The following BABAM2 variants were observed in gnomAD, a reference collection of about 807,000 sequenced individuals.
BABAM2 encodes the protein BRISC and BRCA1-A complex member 2.
Under a neutral mutation model 54.7 loss-of-function variants are expected in BABAM2, and 31 were observed. That is an observed-to-expected ratio of 0.57 (90% confidence interval 0.43 to 0.77). The LOEUF (loss-of-function observed/expected upper bound fraction) is 0.77, where lower values mean the gene tolerates loss of function less well. Ranked by LOEUF, BABAM2 falls within the 30% of genes least tolerant of loss-of-function variation. The pLI is 0.00. For missense variants in BABAM2, 364 were observed against 455.8 expected, an observed-to-expected ratio of 0.80 and a Z score of 1.83; for synonymous variants, 167 against 162.9, an observed-to-expected ratio of 1.03 and a Z score of -0.19.
chr2:28,144,402 G>A (rs901222146), intron 7 of BABAM2, among the ~76,000 whole-genome samples: 1 of 152,142 alleles, frequency 6.6e-6, no homozygotes, highest in African/African-American at 2.4e-5. Flanking sequence ...TCTGAAGTGA[G>A]GGACTAAATA....
chr2:28,038,343 C>T (rs1249176578), intron 5 of BABAM2, among the ~76,000 whole-genome samples: 1 of 152,116 alleles, frequency 6.6e-6, no homozygotes, highest in Non-Finnish European at 1.5e-5. Context: ...GAGCACTGTG[C>T]CCTTTGATAG....
chr2:28,144,952 C>T (rs1461673121), intron 7 of BABAM2, among the ~76,000 whole-genome samples: 2 of 152,220 alleles, frequency 1.3e-5, no homozygotes, highest in African/African-American at 4.8e-5. Context: ...CCATGGAGGT[C>T]ACACACCAGT....
chr2:28,244,086 CAG>C (rs781076775), intron 9 of BABAM2, among the ~76,000 whole-genome samples: 57 of 152,094 alleles, frequency 3.7e-4, no homozygotes, highest in Admixed American at 1.3e-3. Context: ...ATTCAGAGGT[CAG>C]GGGATGTTTT....
At chr2:28,177,717 AAAT>A (rs1282023056) in intron 7 of BABAM2, among the ~76,000 whole-genome samples, 1 of 152,060 alleles carries the variant, frequency 6.6e-6, no homozygotes, top group African/African-American at 2.4e-5. Context: ...AAAAAAAAAA[AAAT>A]GACCCAATTA....
intron 7 of BABAM2, among the ~76,000 whole-genome samples, chr2:28,208,155 G>A (rs1399192601): frequency 2.0e-5 from 3 of 152,060 alleles, no homozygotes; most frequent in Non-Finnish European, 2.9e-5. Flanking sequence ...CAGGCAGGTC[G>A]TTAGCTCCTG....
At position 28,225,828 on chromosome 2, in the gene BABAM2, C is replaced by G. The variant is rs149563567; in HGVS notation, c.681-11374C>G. Among the ~76,000 whole-genome samples the G allele has an allele frequency of 6.7e-3, 1,014 of 151,934 alleles. 13 individuals carry two copies. The highest frequency in any genetic ancestry group is 0.048 in the South Asian group (231 of 4,788). ...TTTACCTGCTGATGGAATATAGCTT[C>G]TAAGAAGTTTGACCAAAGGGCCTCT... is the stretch of plus-strand genomic sequence containing the variant. On this transcript the variant is annotated intron_variant, in intron 7 of 11. Transcript: ENST00000379624.
chr2:28,184,217 T>C (rs1323057684), intron 7 of BABAM2, among the ~76,000 whole-genome samples: 1 of 151,722 alleles, frequency 6.6e-6, no homozygotes, highest in African/African-American at 2.4e-5. Context: ...TGCATGTCTG[T>C]CTTTCTGTCT....
At chr2:28,294,401 A>AAAG (rs1402137852) in intron 10 of BABAM2, among the ~76,000 whole-genome samples, 1 of 151,750 alleles carries the variant, frequency 6.6e-6, no homozygotes, top group Admixed American at 6.6e-5. Flanking sequence ...AAAAGGAAAG[A>AAAG]AAGCAAATGG....
At chr2:27,972,532 A>G (rs1457159333) in intron 3 of BABAM2, among the ~76,000 whole-genome samples, 2 of 152,090 alleles carry the variant, frequency 1.3e-5, no homozygotes, top group Non-Finnish European at 2.9e-5. Flanking sequence ...TGTGCTGTCC[A>G]ATATAGTCGC....
chr2:28,162,528 G>A (rs985068373), intron 7 of BABAM2, among the ~76,000 whole-genome samples: 4 of 152,180 alleles, frequency 2.6e-5, no homozygotes, highest in African/African-American at 9.7e-5. Context: ...ACTCTATGGA[G>A]TCAGTGCCCA....
In BABAM2 at chr2:28,185,462, C is replaced by T. The variant is rs1676178746; in HGVS notation, c.681-51740C>T. Among the ~76,000 whole-genome samples, 3 of 152,216 alleles carry T rather than the reference C, an allele frequency of 2.0e-5. No homozygotes were observed. In the South Asian group the frequency reaches 6.2e-4, roughly 32 times the overall value. On this transcript the variant is annotated intron_variant, in intron 7 of 11. Transcript: ENST00000379624. ...ATCCAGATTGCACGTCTGCCAGAAA[C>T]ATCCTTGGGCACAGTTTTGGAGCTG...
intron 3 of BABAM2, among the ~76,000 whole-genome samples, chr2:27,971,592 A>C (rs1671226743): frequency 6.6e-6 from 1 of 152,120 alleles, no homozygotes; most frequent in East Asian, 1.9e-4. Flanking sequence ...AGAAAAATAA[A>C]TGTAAATACA....
intron 10 of BABAM2, among the ~76,000 whole-genome samples, chr2:28,257,248 T>A (rs909776787): frequency 6.6e-6 from 1 of 152,202 alleles, no homozygotes; most frequent in Non-Finnish European, 1.5e-5. Context: ...AAGTGAACAC[T>A]TAAATTTTGG....
chr2:28,133,977 G>C (rs978831637), intron 7 of BABAM2, among the ~76,000 whole-genome samples: 1 of 152,134 alleles, frequency 6.6e-6, no homozygotes, highest in South Asian at 2.1e-4. Flanking sequence ...ACGCCCTTAC[G>C]ATGCTTAGAT....
chr2:27,993,445 A>T (rs1263453256), intron 4 of BABAM2, among the ~76,000 whole-genome samples: 1 of 152,210 alleles, frequency 6.6e-6, no homozygotes, highest in Admixed American at 6.5e-5. Flanking sequence ...AAATAAAATC[A>T]GTTAACAGAA....
intron 2 of BABAM2, among the ~76,000 whole-genome samples, chr2:27,900,368 CTT>C (rs557118072): frequency 6.5e-5 from 9 of 138,076 alleles, no homozygotes; most frequent in Admixed American, 7.3e-5. Context: ...AGCAAGATTT[CTT>C]TTTTTTTTTT....
intron 11 of BABAM2, 34 bp from the exon 12 acceptor site, chr2:28,338,416 C>T (rs200049418): frequency 7.1e-5 from 113 of 1,590,152 alleles, no homozygotes; most frequent in Non-Finnish European, 9.4e-5. Flanking sequence ...TTTGTGCTAA[C>T]CACAATTTTT....
intron 4 of BABAM2, among the ~76,000 whole-genome samples, chr2:28,024,829 C>T (rs1287416992): frequency 6.6e-6 from 1 of 152,128 alleles, no homozygotes; most frequent in African/African-American, 2.4e-5. Flanking sequence ...AGTTGAATTA[C>T]TTTAGCATAT....
intron 3 of BABAM2, among the ~76,000 whole-genome samples, chr2:27,968,171 G>T (rs2148444948): frequency 6.6e-6 from 1 of 152,346 alleles, no homozygotes; most frequent in African/African-American, 2.4e-5. Flanking sequence ...CAGAGGCCTA[G>T]GGGTAAAATG....
Sources: allele counts gnomAD v4.1 joint callset (sites outside exome capture counted in the v4.1 genomes callset), GRCh38; gene constraint gnomAD v4.1.1; transcripts MANE v1.5; gene names NCBI Gene and HGNC (gene_info 2026-07-23, HGNC 2026-07-21).